GALNT18: variants seen among roughly 807,000 people sequenced by gnomAD.
GALNT18 encodes the protein GalNAc-transferase 18.
In GALNT18, 44 loss-of-function variants were observed where a neutral mutation model predicts 69.5. The observed-to-expected ratio is 0.63, with a 90% CI of 0.50 to 0.81. The LOEUF is 0.81. GALNT18 is among the 40% of genes least tolerant of loss of function. The pLI, the probability that GALNT18 is intolerant of heterozygous loss-of-function variation, is 0.00. For missense variants in GALNT18, 715 were observed against 810.0 expected (o/e 0.88, Z 1.42); for synonymous variants, 364 against 318.2 (o/e 1.14, Z -1.53).
In GALNT18 at chr11:11,377,565, C is replaced by T. The variant is rs780023633; in HGVS notation, c.780-186G>A. ...CAACTTCCCGCTCCCTGAGGATTGC[C>T]GGAATGGCAAGAGGCTGCACCACTC... On this transcript the variant is annotated intron_variant, in intron 4 of 10. Coordinates refer to ENST00000227756, the MANE Select transcript of GALNT18 (RefSeq NM_198516.3). This position sits in a 1 kb window ranked among gnomAD's most constrained non-coding sequence, Gnocchi z 4.6. 7.9e-5 allele frequency among the ~76,000 whole-genome samples: 12 copies of T among 151,866 alleles called. No homozygotes were observed. Among genetic ancestry groups the T allele is most frequent in the African/African-American group, 1.9e-4 (8 of 41,314 alleles).
chr11:11,511,723 G>A lies in GALNT18; in HGVS notation c.236-62787C>T, dbSNP rs1857169609. 6.6e-6 allele frequency among the ~76,000 whole-genome samples: 1 copy of A among 152,062 alleles called. No individual in the cohort carries two copies. Among genetic ancestry groups the A allele is most frequent in the African/African-American group, 2.4e-5 (1 of 41,396 alleles). On this transcript the variant is annotated intron_variant, in intron 1 of 10. Coordinates refer to ENST00000227756, the MANE Select transcript of GALNT18 (RefSeq NM_198516.3). The surrounding 1 kb of genome is among the most constrained non-coding windows in gnomAD (Gnocchi z 4.9). ...GTGGAGCCCTCATCAATGGTATATTGGTGCCCTTCTAAGAAGAGGCCAGAG... is the reference window on the plus strand; with the variant it reads ...GTGGAGCCCTCATCAATGGTATATTAGTGCCCTTCTAAGAAGAGGCCAGAG...
chr11:11,522,074 C>CG (rs1374509055), intron 1 of GALNT18, among the ~76,000 whole-genome samples: 1 of 152,110 alleles, frequency 6.6e-6, no homozygotes, highest in Non-Finnish European at 1.5e-5. Flanking sequence ...CACACTGGGG[C>CG]GGGATGACTT....
chr11:11,406,046 G>T (rs977832220), intron 3 of GALNT18, among the ~76,000 whole-genome samples: 2 of 152,178 alleles, frequency 1.3e-5, no homozygotes, highest in African/African-American at 4.8e-5. Context: ...GTCCCAAACA[G>T]CTACATGAGG....
Position 11,616,275 on chromosome 11 carries a change from G to A in GALNT18, c.235+5084C>T, listed in dbSNP as rs949023236. 6.6e-6 allele frequency among the ~76,000 whole-genome samples: 1 copy of A among 152,152 alleles called. No homozygotes were observed. Among genetic ancestry groups the A allele is most frequent in the Non-Finnish European group, 1.5e-5 (1 of 68,028 alleles). ...ATCAAAAGAATAGAGCATTTGACAG[G>A]GATTACATTTACTCGGAAAAATTTG... On this transcript the variant is annotated intron_variant, in intron 1 of 10. Coordinates refer to ENST00000227756, the MANE Select transcript of GALNT18 (RefSeq NM_198516.3). This position sits in a 1 kb window ranked among gnomAD's most constrained non-coding sequence, Gnocchi z 4.4.
At chr11:11,519,520 G>A (rs1454401542) in intron 1 of GALNT18, among the ~76,000 whole-genome samples, 2 of 152,192 alleles carry the variant, frequency 1.3e-5, no homozygotes, top group African/African-American at 4.8e-5. Flanking sequence ...AAGCAGTGTT[G>A]GGAAAGGTGA....
At chr11:11,274,204 G>GT (rs1183799361) in intron 10 of GALNT18, among the ~76,000 whole-genome samples, 16 of 152,312 alleles carry the variant, frequency 1.1e-4, no homozygotes, top group Admixed American at 3.3e-4. Flanking sequence ...CCAGGACCAG[G>GT]TGTCTATACC....
At chr11:11,503,180 A>G (rs1857007081) in intron 1 of GALNT18, among the ~76,000 whole-genome samples, 1 of 152,230 alleles carries the variant, frequency 6.6e-6, no homozygotes, top group African/African-American at 2.4e-5. Context: ...TAGTGAAGGC[A>G]TCGGAGGTAA....
chr11:11,619,942 C>T lies in GALNT18; in HGVS notation c.235+1417G>A, dbSNP rs921735636. ...TGTTTTGAAGTCATTAGTCAGGAAGCACTATGGATGTGGATGCCTCTCCTG... is the reference window on the plus strand; with the variant it reads ...TGTTTTGAAGTCATTAGTCAGGAAGTACTATGGATGTGGATGCCTCTCCTG... On this transcript the variant is annotated intron_variant, in intron 1 of 10. Transcript: ENST00000227756. The surrounding 1 kb of genome is among the most constrained non-coding windows in gnomAD (Gnocchi z 4.9). 1.3e-5 allele frequency among the ~76,000 whole-genome samples: 2 copies of T among 152,164 alleles called. No individual in the cohort carries two copies. Among genetic ancestry groups the T allele is most frequent in the Non-Finnish European group, 2.9e-5 (2 of 68,038 alleles).
At chr11:11,343,361 A>T (rs1275089849) in intron 6 of GALNT18, among the ~76,000 whole-genome samples, 1 of 152,040 alleles carries the variant, frequency 6.6e-6, no homozygotes, top group Non-Finnish European at 1.5e-5. Context: ...AAAAATAAAA[A>T]AAATAAAAAA....
intron 6 of GALNT18, among the ~76,000 whole-genome samples, chr11:11,368,969 C>T (rs1172368898): frequency 6.6e-6 from 1 of 152,220 alleles, no homozygotes; most frequent in African/African-American, 2.4e-5. Flanking sequence ...TTAAAAGGCT[C>T]TTTCTCCAGA....
intron 1 of GALNT18, among the ~76,000 whole-genome samples, chr11:11,453,948 C>T (rs183458077): frequency 1.3e-5 from 2 of 152,320 alleles, no homozygotes; most frequent in East Asian, 1.9e-4. Flanking sequence ...CTGACTGGAA[C>T]GTGGCTCTGT....
chr11:11,548,349 G>A (rs1858111389), intron 1 of GALNT18, among the ~76,000 whole-genome samples: 1 of 152,186 alleles, frequency 6.6e-6, no homozygotes, highest in Admixed American at 6.5e-5. Context: ...AAAAAAGAGA[G>A]AGGCAGCCTC....
intron 9 of GALNT18, among the ~76,000 whole-genome samples, chr11:11,307,285 A>G (rs1224332526): frequency 6.6e-6 from 1 of 152,212 alleles, no homozygotes; most frequent in Non-Finnish European, 1.5e-5. Context: ...TATGGCACAC[A>G]AGGGAGGTGT....
At chr11:11,295,851 G>A (rs1849390360) in intron 9 of GALNT18, among the ~76,000 whole-genome samples, 1 of 152,160 alleles carries the variant, frequency 6.6e-6, no homozygotes, top group South Asian at 2.1e-4. Flanking sequence ...GGGATGTCCA[G>A]CTTTGATGTG....
intron 6 of GALNT18, chr11:11,352,301 C>G: frequency 6.2e-7 from 1 of 1,614,046 alleles, no homozygotes; most frequent in East Asian, 2.2e-5. Flanking sequence ...AGTGTCTGCC[C>G]AAGATATCAT....
chr11:11,370,746 C>G (rs1204767598), intron 6 of GALNT18, among the ~76,000 whole-genome samples: 1 of 152,198 alleles, frequency 6.6e-6, no homozygotes, highest in Non-Finnish European at 1.5e-5. Context: ...AGCCAGAAAT[C>G]TCCACTCTGT....
At chr11:11,312,459 TAA>T (rs1849687995) in intron 9 of GALNT18, among the ~76,000 whole-genome samples, 3 of 152,240 alleles carry the variant, frequency 2.0e-5, no homozygotes, top group Admixed American at 2.0e-4. Context: ...TGGACCATCA[TAA>T]AGTTCTTCAC....
At chr11:11,574,450 C>T (rs554300567) in intron 1 of GALNT18, among the ~76,000 whole-genome samples, 10 of 152,312 alleles carry the variant, frequency 6.6e-5, no homozygotes, top group African/African-American at 2.4e-4. Context: ...ATAAGAACCT[C>T]CCTCAATTCT....
intron 1 of GALNT18, among the ~76,000 whole-genome samples, chr11:11,560,769 C>T (rs373079780): frequency 6.6e-6 from 1 of 152,190 alleles, no homozygotes; most frequent in Non-Finnish European, 1.5e-5. Context: ...TTTCTTGGGC[C>T]CTCAGACCCC....
Sources: gnomAD v4.1 joint callset for allele counts (sites outside exome capture counted in the v4.1 genomes callset) on GRCh38, gnomAD v4.1.1 for gene constraint, Gnocchi (gnomAD v3.1) non-coding constraint, MANE v1.5 for transcripts, NCBI Gene and HGNC (gene_info 2026-07-23, HGNC 2026-07-21) for gene names.